The following GRIK2 variants were observed in gnomAD, a reference collection of about 807,000 sequenced individuals.
The protein encoded by GRIK2 is glutamate ionotropic receptor kainate type subunit 2.
In GRIK2, 32 loss-of-function variants were observed where a neutral mutation model predicts 100.3. The ratio of observed to expected loss-of-function variants is 0.32; its 90% CI spans 0.24 to 0.43. The LOEUF (loss-of-function observed/expected upper bound fraction) is 0.43. Among genes scored for constraint, GRIK2 ranks in the 20% least tolerant of loss-of-function variants. The pLI is 1.00. For synonymous variants in GRIK2, 417 were observed against 389.4 expected (o/e 1.07, Z -0.83); for missense variants, 843 against 1,114.9 (o/e 0.76, Z 3.47).
At chr6:101,841,369 A>ATTT (rs112472112) in intron 10 of GRIK2, among the ~76,000 whole-genome samples, 13,718 of 147,106 alleles carry the variant, frequency 0.093, 1,625 homozygotes, top group East Asian at 0.65. Flanking sequence ...TCTCAGAATG[A>ATTT]TTTTTTTTTT....
At chr6:101,807,646 G>A (rs921588396) in intron 9 of GRIK2, among the ~76,000 whole-genome samples, 4 of 151,866 alleles carry the variant, frequency 2.6e-5, no homozygotes, top group Non-Finnish European at 4.4e-5. Flanking sequence ...GTCTAACAAA[G>A]CAGGGCACCT....
rs183612827 is a variant in GRIK2 at position 101,404,359 on chromosome 6, T to C, written c.115+4967T>C. 2.5e-3 allele frequency among the ~76,000 whole-genome samples: 382 copies of C among 152,360 alleles called. 4 individuals carry two copies. Among genetic ancestry groups the C allele is most frequent in the African/African-American group, 9.0e-3 (375 of 41,582 alleles). On this transcript the variant is annotated intron_variant, in intron 2 of 16. Coordinates refer to ENST00000369134, the MANE Select transcript of GRIK2 (RefSeq NM_021956.5). ...TTTCTCACCATTACATAAAGTGTTG[T>C]CTATGATAACAATGACATAATCTTT...
intron 12 of GRIK2, among the ~76,000 whole-genome samples, chr6:101,900,405 G>C (rs1451663311): frequency 6.6e-6 from 1 of 151,922 alleles, no homozygotes; most frequent in Non-Finnish European, 1.5e-5. Flanking sequence ...CAGAGGTAGC[G>C]GTGAGCCGAG....
chr6:101,784,313 C>G (rs1488470376), intron 7 of GRIK2, among the ~76,000 whole-genome samples: 1 of 152,232 alleles, frequency 6.6e-6, no homozygotes, highest in East Asian at 1.9e-4. Flanking sequence ...AGCCAAGGTA[C>G]AGCTCGGGCT....
chr6:102,051,093 TA>T (rs1485328245), intron 15 of GRIK2, among the ~76,000 whole-genome samples: 2 of 152,224 alleles, frequency 1.3e-5, no homozygotes, highest in Non-Finnish European at 1.5e-5. Flanking sequence ...TTGTAGTTTT[TA>T]TGTGCCCATC....
chr6:101,966,963 A>G (rs1475131629), intron 14 of GRIK2, among the ~76,000 whole-genome samples: 1 of 152,088 alleles, frequency 6.6e-6, no homozygotes, highest in Non-Finnish European at 1.5e-5. Flanking sequence ...ATTCATGATA[A>G]GTAACTCAAT....
intron 14 of GRIK2, among the ~76,000 whole-genome samples, chr6:101,933,810 C>G (rs1464571967): frequency 6.6e-6 from 1 of 151,824 alleles, no homozygotes; most frequent in Admixed American, 6.6e-5. Flanking sequence ...AAACATAGAG[C>G]CCTCTATAGC....
chr6:101,417,334 C>T (rs1008196764), intron 2 of GRIK2, among the ~76,000 whole-genome samples: 3 of 152,144 alleles, frequency 2.0e-5, no homozygotes, highest in Non-Finnish European at 2.9e-5. Context: ...ATATCAGTGA[C>T]TTACATGTAT....
intron 4 of GRIK2, among the ~76,000 whole-genome samples, chr6:101,658,831 G>A (rs1461696645): frequency 6.6e-6 from 1 of 152,130 alleles, no homozygotes; most frequent in Non-Finnish European, 1.5e-5. Flanking sequence ...CTTCTTTTGA[G>A]AAGTGTCTGT....
intron 16 of GRIK2, 43 bp downstream of exon 16, chr6:102,055,623 T>C: frequency 3.4e-6 from 5 of 1,465,828 alleles, no homozygotes; most frequent in Middle Eastern, 1.8e-4. Flanking sequence ...ACAATTTTTG[T>C]TGTTACAATA....
At chr6:101,911,337 T>C (rs964682784) in intron 12 of GRIK2, among the ~76,000 whole-genome samples, 1 of 151,572 alleles carries the variant, frequency 6.6e-6, no homozygotes, top group African/African-American at 2.4e-5. Flanking sequence ...TCAGACCAAA[T>C]TGGTATTACA....
At chr6:101,852,374 A>C (rs1784184472) in intron 10 of GRIK2, among the ~76,000 whole-genome samples, 1 of 152,014 alleles carries the variant, frequency 6.6e-6, no homozygotes, top group Admixed American at 6.6e-5. Flanking sequence ...AACCCTCTAC[A>C]CATGGGTTAG....
intron 10 of GRIK2, among the ~76,000 whole-genome samples, chr6:101,852,443 A>G (rs1784189203): frequency 6.6e-6 from 1 of 151,934 alleles, no homozygotes; most frequent in South Asian, 2.1e-4. Context: ...ACCTGTCTCA[A>G]TTTTTTTCCT....
At chr6:101,475,856 A>G (rs1179619396) in intron 2 of GRIK2, among the ~76,000 whole-genome samples, 3 of 151,984 alleles carry the variant, frequency 2.0e-5, no homozygotes, top group Non-Finnish European at 4.4e-5. Context: ...CAAAAATTTT[A>G]TAGGTTGTAC....
intron 2 of GRIK2, among the ~76,000 whole-genome samples, chr6:101,572,901 T>G (rs762163767): frequency 2.0e-5 from 3 of 151,590 alleles, no homozygotes; most frequent in South Asian, 4.2e-4. Flanking sequence ...CAGGCTGCAC[T>G]GCAGTGACAC....
chr6:101,583,736 G>T (rs76531683), intron 2 of GRIK2, among the ~76,000 whole-genome samples: 1 of 152,072 alleles, frequency 6.6e-6, no homozygotes, highest in African/African-American at 2.4e-5. Flanking sequence ...CTTGTTTAGT[G>T]ATAACTAATG....
intron 2 of GRIK2, among the ~76,000 whole-genome samples, chr6:101,495,791 C>T (rs1773411395): frequency 6.6e-6 from 1 of 151,746 alleles, no homozygotes; most frequent in Non-Finnish European, 1.5e-5. Flanking sequence ...TGTTGGGTTC[C>T]ATTATACAAA....
At chr6:101,543,636 T>A (rs1776106487) in intron 2 of GRIK2, among the ~76,000 whole-genome samples, 1 of 152,200 alleles carries the variant, frequency 6.6e-6, no homozygotes, top group South Asian at 2.1e-4. Context: ...GTGTTTATAC[T>A]CCAGCTCTGC....
At chr6:102,047,113 G>A (rs2782923) in intron 15 of GRIK2, among the ~76,000 whole-genome samples, 57,291 of 151,788 alleles carry the variant, frequency 0.38, 11,355 homozygotes, top group Middle Eastern at 0.45. Flanking sequence ...TAAAAAGAAC[G>A]AAGATCCCAA....
Sources: gnomAD v4.1 joint callset for allele counts (sites outside exome capture counted in the v4.1 genomes callset) on GRCh38, gnomAD v4.1.1 for gene constraint, MANE v1.5 for transcripts, NCBI Gene and HGNC (gene_info 2026-07-23, HGNC 2026-07-21) for gene names.